The following CFHR2 variants were observed in gnomAD, a reference collection of about 807,000 sequenced individuals.
CFHR2 encodes complement factor H-related protein 2.
In CFHR2, 22 loss-of-function variants were observed where a neutral mutation model predicts 21.7. The observed-to-expected ratio is 1.01, with a 90% CI of 0.72 to 1.45. CFHR2 has a LOEUF of 1.45. Among genes scored for constraint, CFHR2 ranks in the 40% most tolerant of loss-of-function variants. CFHR2 has a pLI of 0.00. For synonymous variants in CFHR2, 98 were observed against 97.4 expected, an observed-to-expected ratio of 1.01 and a Z score of -0.04; for missense variants, 294 against 293.3, an observed-to-expected ratio of 1.00 and a Z score of -0.02.
Position 196,959,357 on chromosome 1 carries a change from C to A in CFHR2, c.*277C>A. 1 of 286,088 alleles carries A rather than the reference C, an allele frequency of 3.5e-6. No individual in the cohort carries two copies. Among genetic ancestry groups the A allele is most frequent in the South Asian group, 5.4e-5 (1 of 18,670 alleles). The allele number at this position is 286,088 out of a possible 1,614,324, so 17.7% of individuals were successfully genotyped here. ...ATTCATGGAGTACATAGTAATGTTT[C>A]CATATATATAATGTATAATGGTCAG... On this transcript the variant is annotated 3_prime_UTR_variant, in exon 5 of 5. Transcript: ENST00000367415.
chr1:196,951,974 A>G (rs1231448164), intron 3 of CFHR2, among the ~76,000 whole-genome samples: 1 of 152,062 alleles, frequency 6.6e-6, no homozygotes, highest in Non-Finnish European at 1.5e-5. Flanking sequence ...CTTGAAATAT[A>G]TTTTGTACAG....
intron 1 of CFHR2, among the ~76,000 whole-genome samples, chr1:196,946,216 G>T (rs188282433): frequency 8.8e-4 from 134 of 152,314 alleles, no homozygotes; most frequent in Non-Finnish European, 1.4e-3. Context: ...ACTAGAGGTG[G>T]TATAAACACT....
chr1:196,947,216 C>T (rs530196380), intron 1 of CFHR2, among the ~76,000 whole-genome samples: 52 of 152,064 alleles, frequency 3.4e-4, no homozygotes, highest in Non-Finnish European at 5.9e-4. Flanking sequence ...AAATTATTTT[C>T]TACTTTTGAA....
chr1:196,949,381 T>C (rs1659637488), intron 1 of CFHR2, 74 bp from the exon 2 acceptor site: 24 of 1,395,114 alleles, frequency 1.7e-5, no homozygotes, highest in Non-Finnish European at 2.1e-5. Context: ...CTAAATGAGA[T>C]GATTAAAATA....
chr1:196,954,165 C>T (rs985621339), intron 3 of CFHR2, among the ~76,000 whole-genome samples: 2 of 152,204 alleles, frequency 1.3e-5, no homozygotes, highest in Non-Finnish European at 2.9e-5. Flanking sequence ...AATTTCCCTC[C>T]AACTTTCTGC....
intron 3 of CFHR2, among the ~76,000 whole-genome samples, chr1:196,951,255 A>G (rs570065817): frequency 1.7e-4 from 26 of 152,292 alleles, no homozygotes; most frequent in Middle Eastern, 3.4e-3. Context: ...AGACAAGAAT[A>G]CACCTTGAAG....
chr1:196,947,997 A>ATG (rs1252694322), intron 1 of CFHR2, among the ~76,000 whole-genome samples: 1 of 152,130 alleles, frequency 6.6e-6, no homozygotes, highest in Non-Finnish European at 1.5e-5. Flanking sequence ...TTATAAAAAT[A>ATG]TGTGTGTATA....
At position 196,959,023 on chromosome 1, in the gene CFHR2, A is replaced by G. The variant is rs1451586393; in HGVS notation, c.756A>G (p.Ser252=). The part of the protein sequence containing the change: ...KSGYHPTKSH[S]FRAMCQNGKL... ...GATATCATCCAACAAAATCTCATTC[A>G]TTTCGAGCAATGTGTCAGAATGGGA... The change falls in exon 5 of 5, where the codon TCA becomes TCG. Residue 252 remains serine (S), a synonymous_variant. Transcript: ENST00000367415. 2 of 1,612,436 alleles carry G rather than the reference A, an allele frequency of 1.2e-6. No homozygotes were observed. Among genetic ancestry groups the G allele is most frequent in the African/African-American group, 1.3e-5 (1 of 74,898 alleles).
At chr1:196,956,938 G>T (rs974955777) in intron 3 of CFHR2, among the ~76,000 whole-genome samples, 1 of 152,102 alleles carries the variant, frequency 6.6e-6, no homozygotes, top group African/African-American at 2.4e-5. Flanking sequence ...GGCTTCTGCT[G>T]ACATCAATCA....
At chr1:196,944,723 C>T (rs1189108732) in intron 1 of CFHR2, among the ~76,000 whole-genome samples, 11 of 152,062 alleles carry the variant, frequency 7.2e-5, no homozygotes, top group African/African-American at 2.7e-4. Flanking sequence ...TTTTACTTTA[C>T]TGTTTTGCTG....
chr1:196,949,215 A>G (rs552029261), intron 1 of CFHR2, among the ~76,000 whole-genome samples: 2 of 152,328 alleles, frequency 1.3e-5, no homozygotes, highest in South Asian at 4.1e-4. Context: ...AGGAGAGTTC[A>G]TATTTCATAT....
chr1:196,947,127 G>GTA (rs1025654495), intron 1 of CFHR2, among the ~76,000 whole-genome samples: 2 of 147,882 alleles, frequency 1.4e-5, no homozygotes, highest in African/African-American at 5.2e-5. Context: ...CTGTATATAT[G>GTA]TATGTGTGTG....
chr1:196,949,423 T>G (rs1184754148), intron 1 of CFHR2, 32 bp from the exon 2 acceptor site: 2 of 1,570,128 alleles, frequency 1.3e-6, no homozygotes, highest in African/African-American at 2.7e-5. Flanking sequence ...TAGCTTATTA[T>G]GTAATTCTTC....
chr1:196,959,065 T>C lies in CFHR2; in HGVS notation c.798T>C (p.Ser266=), dbSNP rs1211280198. Residue 266 remains serine (S), a synonymous_variant, in exon 5 of 5, where the codon AGT becomes AGC. Coordinates refer to ENST00000367415, the MANE Select transcript of CFHR2 (RefSeq NM_005666.4). The part of the protein sequence containing the change: ...MCQNGKLVYP[S]CEEK ...AGAATGGGAAACTGGTATATCCCAGTTGTGAAGAAAAATAGAATCAATGGC... is the reference window on the plus strand; with the variant it reads ...AGAATGGGAAACTGGTATATCCCAGCTGTGAAGAAAAATAGAATCAATGGC... 1.2e-6 allele frequency: 2 copies of C among 1,603,946 alleles called. No homozygotes were observed. Among genetic ancestry groups the C allele is most frequent in the Admixed American group, 3.4e-5 (2 of 58,508 alleles).
At position 196,946,696 on chromosome 1, in the gene CFHR2, G is replaced by T. The variant is rs192596883; in HGVS notation, c.58+2758G>T. 1.1e-3 allele frequency among the ~76,000 whole-genome samples: 175 copies of T among 152,300 alleles called. 1 individual carries two copies. The highest frequency in any genetic ancestry group is 3.7e-3 in the Admixed American group (56 of 15,298). ...GATCTTCAGGGCAGTAACAGGCATGGAGCTGTCCTCTCCTATGATAACAAA... is the reference window on the plus strand; with the variant it reads ...GATCTTCAGGGCAGTAACAGGCATGTAGCTGTCCTCTCCTATGATAACAAA... On this transcript the variant is annotated intron_variant, in intron 1 of 4. Transcript: ENST00000367415.
intron 1 of CFHR2, among the ~76,000 whole-genome samples, chr1:196,947,465 G>A (rs1659550664): frequency 1.3e-5 from 2 of 152,164 alleles, no homozygotes; most frequent in Admixed American, 6.5e-5. Context: ...AAGAGTTATG[G>A]TAGGTTAATA....
At chr1:196,948,227 G>C (rs1659590581) in intron 1 of CFHR2, among the ~76,000 whole-genome samples, 1 of 152,014 alleles carries the variant, frequency 6.6e-6, no homozygotes, top group Admixed American at 6.6e-5. Flanking sequence ...GAATGATGTA[G>C]TATTTGTATA....
intron 3 of CFHR2, among the ~76,000 whole-genome samples, chr1:196,955,166 C>CTCTCTG (rs1652816681): frequency 6.6e-6 from 1 of 152,026 alleles, no homozygotes; most frequent in Admixed American, 6.6e-5. Context: ...TCATCTCTCT[C>CTCTCTG]AACTTCAAAG....
rs778021271 is a variant in CFHR2, at chr1:196,957,919, A to T, written c.459A>T (p.Pro153=). ...CTGCAGAAAAATGTGGGCCCCCTCC[A>T]CCTATTGACAATGGAGACATTACTT... ...TISAEKCGPP[P]PIDNGDITSF... Residue 153 remains proline, a synonymous_variant, in exon 4 of 5, where the codon CCA becomes CCT. Coordinates refer to ENST00000367415, the MANE Select transcript of CFHR2 (RefSeq NM_005666.4). 2 of 1,612,756 alleles carry T rather than the reference A, an allele frequency of 1.2e-6. No individual in the cohort carries two copies. Among genetic ancestry groups the T allele is most frequent in the African/African-American group, 1.3e-5 (1 of 74,878 alleles).
Sources: gnomAD v4.1 joint callset for allele counts (sites outside exome capture counted in the v4.1 genomes callset) on GRCh38, gnomAD v4.1.1 for gene constraint, MANE v1.5 for transcripts, NCBI Gene and HGNC (gene_info 2026-07-23, HGNC 2026-07-21) for gene names.